The following JPH1 variants were observed in gnomAD, a reference collection of about 807,000 sequenced individuals.
JPH1 encodes junctophilin 1.
In JPH1, 12 loss-of-function variants were observed where a neutral mutation model predicts 53.6. The observed-to-expected ratio is 0.22, with a 90% CI of 0.14 to 0.36. JPH1 has a LOEUF of 0.36. JPH1 is among the 10% of genes least tolerant of loss of function. JPH1 has a pLI of 1.00. For missense variants in JPH1, 808 were observed against 905.5 expected (o/e 0.89, Z 1.38); for synonymous variants, 375 against 363.8 (o/e 1.03, Z -0.35).
intron 4 of JPH1, among the ~76,000 whole-genome samples, chr8:74,240,588 C>T (rs1805667447): frequency 1.3e-5 from 2 of 152,186 alleles, no homozygotes; most frequent in South Asian, 4.1e-4. Flanking sequence ...TCCACCTGTA[C>T]TACTACACAC....
intron 3 of JPH1, among the ~76,000 whole-genome samples, chr8:74,250,161 G>C (rs1283787943): frequency 1.3e-5 from 2 of 148,464 alleles, no homozygotes; most frequent in Non-Finnish European, 3.0e-5. Context: ...TTGAGACGGA[G>C]TCTTGCTCTG....
At chr8:74,292,301 G>A (rs1370781708) in intron 2 of JPH1, among the ~76,000 whole-genome samples, 1 of 152,196 alleles carries the variant, frequency 6.6e-6, no homozygotes, top group Non-Finnish European at 1.5e-5. Context: ...TGCCACTTGA[G>A]CGCTGGCATT....
At position 74,255,763 on chromosome 8, in the gene JPH1, T is replaced by C. The variant is rs546927684; in HGVS notation, c.1258+3622A>G. Among the ~76,000 whole-genome samples the C allele has an allele frequency of 1.2e-4, 19 of 152,302 alleles. No individual in the cohort carries two copies. In the East Asian group the frequency reaches 3.1e-3, roughly 25 times the overall value. On this transcript the variant is annotated intron_variant, in intron 3 of 5. Transcript: ENST00000342232. ...AACAGACACTTCTCAAAAGAAGATA[T>C]TTATGCAGCCAAAAAACACATGAAA...
chr8:74,247,441 A>T (rs888482399), intron 3 of JPH1, among the ~76,000 whole-genome samples: 2 of 152,250 alleles, frequency 1.3e-5, no homozygotes, highest in Non-Finnish European at 2.9e-5. Context: ...TACATAAAAT[A>T]CAAAGTGCTT....
chr8:74,239,211 A>G (rs1210404156), intron 4 of JPH1, among the ~76,000 whole-genome samples: 2 of 152,026 alleles, frequency 1.3e-5, no homozygotes, highest in African/African-American at 4.8e-5. Flanking sequence ...TATTCTTCAC[A>G]AGTGATTATT....
At position 74,321,497 on chromosome 8, in the gene JPH1, TC is replaced by T; in HGVS notation, c.-211del. 1 of 477,866 alleles carries T rather than the reference TC, an allele frequency of 2.1e-6. No homozygotes were observed. Among genetic ancestry groups the T allele is most frequent in the Non-Finnish European group, 3.5e-6 (1 of 284,148 alleles). The allele number at this position is 477,866 out of a possible 1,614,324, so 29.6% of individuals were successfully genotyped here. ...ACCGCCGCCTTCCTCCTCCTCCTCC[TC>T]CTCCTTCGCCGCCGCCGCCTGGGCC... On this transcript the variant is annotated 5_prime_UTR_variant, in exon 1 of 6. Coordinates refer to ENST00000342232, the MANE Select transcript of JPH1 (RefSeq NM_020647.4). This position sits in a 1 kb window ranked among gnomAD's most constrained non-coding sequence, Gnocchi z 4.3.
intron 2 of JPH1, among the ~76,000 whole-genome samples, chr8:74,296,620 G>A (rs1230894397): frequency 1.3e-5 from 2 of 152,188 alleles, no homozygotes; most frequent in Non-Finnish European, 2.9e-5. Flanking sequence ...GTTATGCAAA[G>A]CCTATTTTAA....
intron 3 of JPH1, among the ~76,000 whole-genome samples, chr8:74,253,788 T>C (rs1171091747): frequency 6.6e-6 from 1 of 151,740 alleles, no homozygotes; most frequent in Non-Finnish European, 1.5e-5. Flanking sequence ...AACTAGAAAA[T>C]CTAGAAGAAA....
At chr8:74,312,261 G>GT (rs1169794482) in intron 2 of JPH1, among the ~76,000 whole-genome samples, 8 of 150,742 alleles carry the variant, frequency 5.3e-5, no homozygotes, top group East Asian at 3.9e-4. Context: ...TTCTTTTTTT[G>GT]TTTTTTTTGA....
chr8:74,282,578 G>T (rs985670641), intron 2 of JPH1, among the ~76,000 whole-genome samples: 1 of 152,126 alleles, frequency 6.6e-6, no homozygotes, highest in African/African-American at 2.4e-5. Context: ...AATACCACAT[G>T]GTTTCATTCT....
At chr8:74,271,886 C>G (rs948421754) in intron 2 of JPH1, among the ~76,000 whole-genome samples, 4 of 152,068 alleles carry the variant, frequency 2.6e-5, no homozygotes, top group Non-Finnish European at 5.9e-5. Context: ...CTCCCACTGC[C>G]CTGGCAGACA....
intron 1 of JPH1, among the ~76,000 whole-genome samples, chr8:74,317,355 C>T (rs781059365): frequency 6.6e-6 from 1 of 152,162 alleles, no homozygotes; most frequent in Non-Finnish European, 1.5e-5. Flanking sequence ...AACTTGACAT[C>T]TATGAACTTC....
chr8:74,239,181 C>CT (rs1322963205), intron 4 of JPH1, among the ~76,000 whole-genome samples: 1 of 151,996 alleles, frequency 6.6e-6, no homozygotes, highest in Admixed American at 6.6e-5. Flanking sequence ...TTAAACATCT[C>CT]TGAGATTTTT....
At chr8:74,246,988 C>G (rs1805878761) in intron 3 of JPH1, among the ~76,000 whole-genome samples, 1 of 152,212 alleles carries the variant, frequency 6.6e-6, no homozygotes, top group African/African-American at 2.4e-5. Context: ...CCTTCTGTTT[C>G]TGAATTCTTT....
chr8:74,239,561 G>A (rs1805635287), intron 4 of JPH1, among the ~76,000 whole-genome samples: 1 of 152,148 alleles, frequency 6.6e-6, no homozygotes, highest in Non-Finnish European at 1.5e-5. Context: ...TTAGAGCATA[G>A]AAATAATGCA....
intron 3 of JPH1, among the ~76,000 whole-genome samples, chr8:74,254,140 C>G (rs1806148731): frequency 6.6e-6 from 1 of 152,014 alleles, no homozygotes; most frequent in African/African-American, 2.4e-5. Context: ...TGCAAAAATC[C>G]TCAATAAAAT....
chr8:74,294,553 C>CT (rs894973790), intron 2 of JPH1, among the ~76,000 whole-genome samples: 2 of 152,184 alleles, frequency 1.3e-5, no homozygotes, highest in Non-Finnish European at 2.9e-5. Context: ...GAACAAATTT[C>CT]TTTTTTGGTG....
chr8:74,303,984 A>G (rs925796784), intron 2 of JPH1, among the ~76,000 whole-genome samples: 1 of 152,160 alleles, frequency 6.6e-6, no homozygotes, highest in Non-Finnish European at 1.5e-5. Flanking sequence ...TGTACATTTT[A>G]CCAGACCCCA....
At chr8:74,301,926 A>G (rs1807694014) in intron 2 of JPH1, among the ~76,000 whole-genome samples, 1 of 152,220 alleles carries the variant, frequency 6.6e-6, no homozygotes, top group African/African-American at 2.4e-5. Context: ...TAAGCAGGGT[A>G]CATGGGTTCA....
Sources: allele counts gnomAD v4.1 joint callset (sites outside exome capture counted in the v4.1 genomes callset), GRCh38; gene constraint gnomAD v4.1.1; non-coding constraint Gnocchi (gnomAD v3.1); transcripts MANE v1.5; gene names NCBI Gene and HGNC (gene_info 2026-07-23, HGNC 2026-07-21).